CAPN2: variants seen among roughly 807,000 people sequenced by gnomAD.
CAPN2 encodes calpain 2.
CAPN2 carries 92 observed loss-of-function variants against 102.3 expected under a neutral mutation model. That is an observed-to-expected ratio of 0.90 (90% CI 0.76 to 1.07). CAPN2 has a LOEUF of 1.07. Ranked by LOEUF, CAPN2 falls within the 50% of genes least tolerant of loss-of-function variation. The pLI is 0.00. For synonymous variants in CAPN2, 340 were observed against 355.4 expected (o/e 0.96, Z 0.49); for missense variants, 800 against 909.4 (o/e 0.88, Z 1.55).
At chr1:223,768,380 A>G in intron 16 of CAPN2, among the ~76,000 whole-genome samples, 1 of 149,572 alleles carries the variant, frequency 6.7e-6, no homozygotes, top group African/African-American at 2.5e-5. Context: ...AGGTGTAAGG[A>G]AGGGATCCAG....
rs1396782733 is a variant in CAPN2 at position 223,770,430 on chromosome 1, T to C, written c.1825-17T>C. 4 of 1,599,566 alleles carry C rather than the reference T, an allele frequency of 2.5e-6. No homozygotes were observed. Among genetic ancestry groups the C allele is most frequent in the South Asian group, 2.2e-5 (2 of 90,712 alleles). ...TGCTTTGGGTCATAGTTCTTACAGC[T>C]AACTTATGTGTTCCAGAAAATTTAC... On this transcript the variant is annotated splice_polypyrimidine_tract_variant and intron_variant, in intron 17 of 20. Coordinates refer to ENST00000295006, the MANE Select transcript of CAPN2 (RefSeq NM_001748.5).
At chr1:223,757,341 T>A (rs1245976443) in intron 10 of CAPN2, 28 bp from the exon 11 acceptor site, 5 of 1,614,082 alleles carry the variant, frequency 3.1e-6, no homozygotes, top group Non-Finnish European at 4.2e-6. Context: ...TTTTCCGGCA[T>A]CTGAATTGCA....
chr1:223,744,774 T>G (rs1163382410), intron 3 of CAPN2, among the ~76,000 whole-genome samples: 1 of 151,624 alleles, frequency 6.6e-6, no homozygotes, highest in East Asian at 1.9e-4. Flanking sequence ...GGCAGGAGAA[T>G]CACTTTAACC....
chr1:223,750,718 C>G (rs564340449), intron 6 of CAPN2, among the ~76,000 whole-genome samples, 172 bp from the exon 7 acceptor site: 1 of 152,206 alleles, frequency 6.6e-6, no homozygotes, highest in African/African-American at 2.4e-5. Context: ...GGGTGCCAAG[C>G]CCCCTCTAGC....
chr1:223,772,033 T>A, intron 19 of CAPN2, 108 bp downstream of exon 19: 8 of 1,133,652 alleles, frequency 7.1e-6, no homozygotes, highest in Non-Finnish European at 1.1e-5. Context: ...TTCCAGGAGT[T>A]GAGAATGAAA....
intron 20 of CAPN2, among the ~76,000 whole-genome samples, chr1:223,774,189 G>C (rs936679336): frequency 1.1e-4 from 16 of 146,934 alleles, no homozygotes; most frequent in African/African-American, 4.1e-4. Context: ...TGGCCTGCCT[G>C]CTCAGTCCAC....
intron 1 of CAPN2, among the ~76,000 whole-genome samples, chr1:223,705,194 G>C (rs1374087619): frequency 6.6e-6 from 1 of 152,192 alleles, no homozygotes; most frequent in East Asian, 1.9e-4. Context: ...AAAAGAAATG[G>C]AACGGGGCAA....
At chr1:223,746,925 G>T (rs1660763867) in intron 4 of CAPN2, 72 bp from the exon 5 acceptor site, 1 of 1,377,748 alleles carries the variant, frequency 7.3e-7, no homozygotes, top group Admixed American at 1.9e-5. Flanking sequence ...ACGGTACTAG[G>T]GGGTGGCTGT....
chr1:223,770,091 A>G, intron 17 of CAPN2, 182 bp downstream of exon 17: 1 of 623,474 alleles, frequency 1.6e-6, no homozygotes, highest in African/African-American at 1.8e-5. Flanking sequence ...ACCAACCAGG[A>G]CTTCGCAGGT....
chr1:223,770,138 C>A, intron 17 of CAPN2: 1 of 586,022 alleles, frequency 1.7e-6, no homozygotes, highest in East Asian at 2.8e-5. Flanking sequence ...TTATTGGGAT[C>A]ATCTAAAGGC....
intron 2 of CAPN2, among the ~76,000 whole-genome samples, chr1:223,729,287 A>C (rs1366501113): frequency 1.3e-5 from 2 of 152,252 alleles, no homozygotes; most frequent in Admixed American, 1.3e-4. Flanking sequence ...TGAGTTGTTC[A>C]GCATTTTATT....
chr1:223,743,453 C>T (rs1420921713), intron 2 of CAPN2, among the ~76,000 whole-genome samples: 4 of 152,208 alleles, frequency 2.6e-5, no homozygotes, highest in Middle Eastern at 3.4e-3. Flanking sequence ...TCTAGCACTA[C>T]GTTTTCTTTC....
intron 2 of CAPN2, among the ~76,000 whole-genome samples, chr1:223,718,405 T>C (rs1432548530): frequency 6.6e-6 from 1 of 152,230 alleles, no homozygotes; most frequent in East Asian, 1.9e-4. Flanking sequence ...AGTAGCTGAA[T>C]TGTCCAAAAC....
intron 11 of CAPN2, chr1:223,758,968 G>A: frequency 2.5e-6 from 1 of 394,550 alleles, no homozygotes; most frequent in Non-Finnish European, 4.8e-6. Context: ...TGGTATTACA[G>A]GCGTGAGCCA....
chr1:223,740,187 G>C (rs971962895), intron 2 of CAPN2, among the ~76,000 whole-genome samples: 1 of 152,192 alleles, frequency 6.6e-6, no homozygotes, highest in Non-Finnish European at 1.5e-5. Flanking sequence ...GGCCGTCGAG[G>C]TGGAGTGAGA....
chr1:223,775,434 A>G lies in CAPN2; in HGVS notation c.*577A>G, dbSNP rs2102820472. 6.5e-6 allele frequency: 1 copy of G among 152,984 alleles called. No individual in the cohort carries two copies. Among genetic ancestry groups the G allele is most frequent in the East Asian group, 1.9e-4 (1 of 5,196 alleles). 9.5% of individuals were successfully genotyped at this position (152,984 alleles called of 1,614,324 possible). On this transcript the variant is annotated 3_prime_UTR_variant, in exon 21 of 21. Coordinates refer to ENST00000295006, the MANE Select transcript of CAPN2 (RefSeq NM_001748.5). ...ACCTCTGTCGCTTGGGTTAAACAAG[A>G]GACAGGTTTTGTAGAATATTGATTG...
At chr1:223,719,694 G>A (rs1162051183) in intron 2 of CAPN2, among the ~76,000 whole-genome samples, 1 of 152,150 alleles carries the variant, frequency 6.6e-6, no homozygotes, top group Non-Finnish European at 1.5e-5. Flanking sequence ...AGATAGCAAA[G>A]GTTAACATTC....
rs1051936384 is a variant in CAPN2, at chr1:223,726,562, G to A, written c.307+8731G>A. On this transcript the variant is annotated intron_variant, in intron 2 of 20. Coordinates refer to ENST00000295006, the MANE Select transcript of CAPN2 (RefSeq NM_001748.5). This position sits in a 1 kb window ranked among gnomAD's most constrained non-coding sequence, Gnocchi z 4.4. ...GTGAATGTCAAGCCCCAGCACCCTC[G>A]CCTCCCTCCCATCCTCCCTTTTAGG... Among the ~76,000 whole-genome samples the A allele has an allele frequency of 2.0e-5, 3 of 152,082 alleles. No homozygotes were observed. The highest frequency in any genetic ancestry group is 6.5e-5 in the Admixed American group (1 of 15,268).
chr1:223,760,027 C>T (rs1180456322), intron 12 of CAPN2, among the ~76,000 whole-genome samples: 2 of 152,208 alleles, frequency 1.3e-5, no homozygotes, highest in Non-Finnish European at 2.9e-5. Context: ...CTGCCACTGT[C>T]CAGGTGGCCT....
Sources: gnomAD v4.1 joint callset for allele counts (sites outside exome capture counted in the v4.1 genomes callset) on GRCh38, gnomAD v4.1.1 for gene constraint, Gnocchi (gnomAD v3.1) non-coding constraint, MANE v1.5 for transcripts, NCBI Gene and HGNC (gene_info 2026-07-23, HGNC 2026-07-21) for gene names.